RNF224: variants seen among roughly 807,000 people sequenced by gnomAD.
RNF224 encodes ring finger protein 224.
In RNF224, 1 loss-of-function variant was observed where a neutral mutation model predicts 2.9. That is an observed-to-expected ratio of 0.35 (90% CI 0.12 to 1.66). The LOEUF is 1.66. Among genes scored for constraint, RNF224 ranks in the 40% most tolerant of loss-of-function variants. The pLI is 0.35. For synonymous variants in RNF224, 116 were observed against 97.6 expected (o/e 1.19, Z -1.11); for missense variants, 254 against 221.8 (o/e 1.15, Z -0.92).
chr9:137,228,540 G>C (rs1836035089), intron 2 of RNF224, 82 bp from the exon 3 acceptor site: 6 of 1,226,520 alleles, frequency 4.9e-6, no homozygotes, highest in Middle Eastern at 5.6e-4. Flanking sequence ...CCTGACCTCT[G>C]GGGTGGGCTC....
At position 137,228,319 on chromosome 9, in the gene RNF224, G is replaced by A. The variant is rs1406194951; in HGVS notation, c.-17G>A. The A allele has an allele frequency of 2.6e-6, 4 of 1,525,328 alleles. No individual in the cohort carries two copies. The highest frequency in any genetic ancestry group is 2.6e-6 in the Non-Finnish European group (3 of 1,142,170). 94.5% of individuals were successfully genotyped at this position (1,525,328 alleles called of 1,614,324 possible). A position where few individuals can be genotyped will look rare whatever the true frequency, so the allele number is the denominator to read the frequency against. On this transcript the variant is annotated 5_prime_UTR_variant, in exon 2 of 3. Coordinates refer to ENST00000445101, the MANE Select transcript of RNF224 (RefSeq NM_001190228.2). Reference sequence around the variant, plus strand: ...TCCGGCCACCCCGTGGCTGTGCATAGCTGCCCAGCAGAGCCCATGCAGGTA... The same window carrying A: ...TCCGGCCACCCCGTGGCTGTGCATAACTGCCCAGCAGAGCCCATGCAGGTA...
rs1836005013 is a variant in RNF224 at position 137,227,512 on chromosome 9, T to G, written c.-534T>G. ...CCTTCTTGGTCCCTCAACTCTGCTC[T>G]GCCTGCAGTCTGGTGTGGACACACT... On this transcript the variant is annotated 5_prime_UTR_variant, in exon 1 of 3. Transcript: ENST00000445101. 6.5e-6 allele frequency: 1 copy of G among 152,678 alleles called. No homozygotes were observed. The highest frequency in any genetic ancestry group is 1.5e-5 in the Non-Finnish European group (1 of 68,184). The allele number at this position is 152,678 out of a possible 1,614,324, so 9.5% of individuals were successfully genotyped here. A position where few individuals can be genotyped will look rare whatever the true frequency, so the allele number is the denominator to read the frequency against.
Position 137,228,173 on chromosome 9 carries a change from G to A in RNF224, c.-163G>A. ...TTAGATCTAGTTTCAAGGCTTTGTGGCTGAAACGGGAGCCCACGCCCGCCA... is the reference window on the plus strand; with the variant it reads ...TTAGATCTAGTTTCAAGGCTTTGTGACTGAAACGGGAGCCCACGCCCGCCA... On this transcript the variant is annotated 5_prime_UTR_variant, in exon 2 of 3. Transcript: ENST00000445101. 1 of 631,442 alleles carries A rather than the reference G, an allele frequency of 1.6e-6. No individual in the cohort carries two copies. The highest frequency in any genetic ancestry group is 1.9e-5 in the South Asian group (1 of 53,338). 39.1% of individuals were successfully genotyped at this position (631,442 alleles called of 1,614,324 possible). A position where few individuals can be genotyped will look rare whatever the true frequency, so the allele number is the denominator to read the frequency against.
At position 137,229,152 on chromosome 9, in the gene RNF224, T is replaced by C. The variant is rs1279625125; in HGVS notation, c.*66T>C. ...TGGAACCCCTGACCACACACCATCATGGGTTCAGCCCACTCAGAACAACCT... is the reference window on the plus strand; with the variant it reads ...TGGAACCCCTGACCACACACCATCACGGGTTCAGCCCACTCAGAACAACCT... On this transcript the variant is annotated 3_prime_UTR_variant, in exon 3 of 3. Coordinates refer to ENST00000445101, the MANE Select transcript of RNF224 (RefSeq NM_001190228.2). 3.1e-6 allele frequency: 3 copies of C among 954,374 alleles called. No homozygotes were observed. Among genetic ancestry groups the C allele is most frequent in the East Asian group, 2.6e-5 (1 of 37,922 alleles). The allele number at this position is 954,374 out of a possible 1,614,324, so 59.1% of individuals were successfully genotyped here. A position where few individuals can be genotyped will look rare whatever the true frequency, so the allele number is the denominator to read the frequency against.
In RNF224 at chr9:137,228,228, C is replaced by A. The variant is rs114070088; in HGVS notation, c.-108C>A. 6.6e-4 allele frequency: 748 copies of A among 1,132,608 alleles called. 2 individuals carry two copies. The African/African-American group carries it at 0.011, about 16-fold the overall frequency. The allele number at this position is 1,132,608 out of a possible 1,614,324, so 70.2% of individuals were successfully genotyped here. ...TGGCCACCTGCCTCTCTCCTGACTC[C>A]CGTGCAAGGCCAGTAATGCAACCCA... On this transcript the variant is annotated 5_prime_UTR_variant, in exon 2 of 3. Coordinates refer to ENST00000445101, the MANE Select transcript of RNF224 (RefSeq NM_001190228.2).
At position 137,229,083 on chromosome 9, in the gene RNF224, C is replaced by G. The variant is rs80009402; in HGVS notation, c.468C>G (p.Val156=). 3.6e-3 allele frequency: 5,494 copies of G among 1,512,008 alleles called. 128 individuals carry two copies. In the East Asian group the frequency reaches 0.069, roughly 19 times the overall value. 93.7% of individuals were successfully genotyped at this position (1,512,008 alleles called of 1,614,324 possible). The change falls in exon 3 of 3, where the codon GTC becomes GTG. Residue 156 remains valine, a synonymous_variant. Transcript: ENST00000445101. ...GCCCACCCCTAGGCAGCCCCGAGGT[C>G]TGAACTCTGGCCATTCCCACCCCTG... ...LCCPPLGSPE[V] is the part of the protein sequence containing the mutation.
intron 2 of RNF224, 65 bp from the exon 3 acceptor site, chr9:137,228,557 C>A (rs1486179192): frequency 2.5e-5 from 33 of 1,308,638 alleles, no homozygotes; most frequent in Non-Finnish European, 3.1e-5. Context: ...GCTCCTGGGG[C>A]CAGCACCCCA....
chr9:137,228,206 C>T lies in RNF224; in HGVS notation c.-130C>T, dbSNP rs562105966. ...GGGAGCCCACGCCCGCCACAGCTGG[C>T]CACCTGCCTCTCTCCTGACTCCCGT... On this transcript the variant is annotated 5_prime_UTR_variant, in exon 2 of 3. Coordinates refer to ENST00000445101, the MANE Select transcript of RNF224 (RefSeq NM_001190228.2). The T allele has an allele frequency of 1.1e-5, 9 of 854,158 alleles. No homozygotes were observed. Among genetic ancestry groups the T allele is most frequent in the Non-Finnish European group, 1.4e-5 (8 of 557,876 alleles). The allele number at this position is 854,158 out of a possible 1,614,324, so 52.9% of individuals were successfully genotyped here.
chr9:137,228,752 C>T lies in RNF224; in HGVS notation c.137C>T (p.Thr46Ile). Reference sequence around the variant, plus strand: ...CCCCGCCGCCTCTACTGTGGACACACCTTCTGCCAGGCGTGTGTGCGGCGG... The same window carrying T: ...CCCCGCCGCCTCTACTGTGGACACATCTTCTGCCAGGCGTGTGTGCGGCGG... ...HLPRRLYCGH[T>I]FCQACVRRLD... is the part of the protein sequence containing the mutation. Residue 46 changes from threonine (T) to isoleucine (I), a missense_variant, in exon 3 of 3, where the codon ACC becomes ATC. Coordinates refer to ENST00000445101, the MANE Select transcript of RNF224 (RefSeq NM_001190228.2). 1.3e-6 allele frequency: 2 copies of T among 1,532,994 alleles called. No individual in the cohort carries two copies. Among genetic ancestry groups the T allele is most frequent in the Non-Finnish European group, 1.7e-6 (2 of 1,145,120 alleles). 95.0% of individuals were successfully genotyped at this position (1,532,994 alleles called of 1,614,324 possible). A position where few individuals can be genotyped will look rare whatever the true frequency, so the allele number is the denominator to read the frequency against.
chr9:137,228,868 G>C lies in RNF224; in HGVS notation c.253G>C (p.Asp85His), dbSNP rs1431995401. 17 of 1,535,632 alleles carry C rather than the reference G, an allele frequency of 1.1e-5. No homozygotes were observed. The East Asian group carries it at 3.7e-4, about 33-fold the overall frequency. The change falls in exon 3 of 3, where the codon GAC becomes CAC. Residue 85 changes from aspartate to histidine, a missense_variant. Coordinates refer to ENST00000445101, the MANE Select transcript of RNF224 (RefSeq NM_001190228.2). ...GCCTCGCGGAGGGGTGGCCATGCTA[G>C]ACCTGGACCTGGCTGCTTTCCTGGC... Reference protein sequence around the residue: ...PTPRGGVAMLDLDLAAFLAVK... With the variant: ...PTPRGGVAMLHLDLAAFLAVK...
rs1325942690 is a variant in RNF224 at position 137,228,663 on chromosome 9, G to A, written c.48G>A (p.Gly16=). The change falls in exon 3 of 3, where the codon GGG becomes GGA. Residue 16 remains glycine (G), a synonymous_variant. Transcript: ENST00000445101. ...GGCCCCCAGGCCTCGGAGGAGGGGG[G>A]CCCCCGGAGGAGAGGACAGACTGCA... The part of the protein sequence containing the change: ...AGGPPGLGGG[G]PPEERTDCII... 2.0e-5 allele frequency: 29 copies of A among 1,461,068 alleles called. No homozygotes were observed. The highest frequency in any genetic ancestry group is 6.8e-5 in the South Asian group (5 of 74,064). The allele number at this position is 1,461,068 out of a possible 1,614,324, so 90.5% of individuals were successfully genotyped here. A position where few individuals can be genotyped will look rare whatever the true frequency, so the allele number is the denominator to read the frequency against.
At position 137,228,718 on chromosome 9, in the gene RNF224, G is replaced by A. The variant is rs755077146; in HGVS notation, c.103G>A (p.Gly35Arg). Residue 35 changes from glycine (G) to arginine (R), a missense_variant, in exon 3 of 3, where the codon GGG (glycine) becomes AGG (arginine). By Grantham distance (125) the Gly-to-Arg change is moderately radical (BLOSUM62 -2). Transcript: ENST00000445101. The stretch of plus-strand genomic sequence containing the variant: ...CTGCTGCTCGGCCTATGACCTCTCC[G>A]GGCACCTGCCCCGCCGCCTCTACTG... ...IICCSAYDLS[G>R]HLPRRLYCGH... 1.1e-4 allele frequency: 169 copies of A among 1,528,416 alleles called. No individual in the cohort carries two copies. The highest frequency in any genetic ancestry group is 1.8e-4 in the Middle Eastern group (1 of 5,516). 94.7% of individuals were successfully genotyped at this position (1,528,416 alleles called of 1,614,324 possible). A position where few individuals can be genotyped will look rare whatever the true frequency, so the allele number is the denominator to read the frequency against.
rs1836060141 is a variant in RNF224 at position 137,229,069 on chromosome 9, G to T, written c.454G>T (p.Gly152Cys). 6.5e-7 allele frequency: 1 copy of T among 1,529,354 alleles called. No homozygotes were observed. The highest frequency in any genetic ancestry group is 1.4e-5 in the African/African-American group (1 of 73,026). The allele number at this position is 1,529,354 out of a possible 1,614,324, so 94.7% of individuals were successfully genotyped here. A position where few individuals can be genotyped will look rare whatever the true frequency, so the allele number is the denominator to read the frequency against. Residue 152 changes from glycine to cysteine, a missense_variant, in exon 3 of 3, where the codon GGC becomes TGC. By Grantham distance (159) the Gly-to-Cys change is radical (BLOSUM62 -3). Coordinates refer to ENST00000445101, the MANE Select transcript of RNF224 (RefSeq NM_001190228.2). ...TGGCAGCCTCTGCTGCCCACCCCTA[G>T]GCAGCCCCGAGGTCTGAACTCTGGC... ...GCGSLCCPPL[G>C]SPEV
Position 137,228,750 on chromosome 9 carries a change from C to A in RNF224, c.135C>A (p.His45Gln), listed in dbSNP as rs758020001. 105 of 1,532,774 alleles carry A rather than the reference C, an allele frequency of 6.9e-5. No homozygotes were observed. Among genetic ancestry groups the A allele is most frequent in the Non-Finnish European group, 9.2e-5 (105 of 1,145,044 alleles). The allele number at this position is 1,532,774 out of a possible 1,614,324, so 94.9% of individuals were successfully genotyped here. ...GHLPRRLYCG[H>Q]TFCQACVRRL... ...TGCCCCGCCGCCTCTACTGTGGACA[C>A]ACCTTCTGCCAGGCGTGTGTGCGGC... Residue 45 changes from histidine to glutamine, a missense_variant, in exon 3 of 3, where the codon CAC (histidine) becomes CAA (glutamine). Coordinates refer to ENST00000445101, the MANE Select transcript of RNF224 (RefSeq NM_001190228.2).
At position 137,229,016 on chromosome 9, in the gene RNF224, C is replaced by G; in HGVS notation, c.401C>G (p.Pro134Arg). The change falls in exon 3 of 3, where the codon CCC becomes CGC. Residue 134 changes from proline (P) to arginine (R), a missense_variant. By Grantham distance (103) the Pro-to-Arg change is moderately radical. Transcript: ENST00000445101. Reference sequence around the variant, plus strand: ...GCCCTGGGACCCCAGCCCCACTTCCCCCAGCCCAGATACTGCTGCTGGGGC... The same window carrying G: ...GCCCTGGGACCCCAGCCCCACTTCCGCCAGCCCAGATACTGCTGCTGGGGC... ...CPALGPQPHF[P>R]QPRYCCWGCG... 6.5e-7 allele frequency: 1 copy of G among 1,535,516 alleles called. No individual in the cohort carries two copies. The highest frequency in any genetic ancestry group is 8.7e-7 in the Non-Finnish European group (1 of 1,146,690).
In RNF224 at chr9:137,228,330, G is replaced by A; in HGVS notation, c.-6G>A. 1.3e-6 allele frequency: 2 copies of A among 1,517,680 alleles called. No individual in the cohort carries two copies. The highest frequency in any genetic ancestry group is 1.8e-6 in the Non-Finnish European group (2 of 1,137,894). The allele number at this position is 1,517,680 out of a possible 1,614,324, so 94.0% of individuals were successfully genotyped here. A position where few individuals can be genotyped will look rare whatever the true frequency, so the allele number is the denominator to read the frequency against. ...CGTGGCTGTGCATAGCTGCCCAGCA[G>A]AGCCCATGCAGGTAAGAGGCCTGGG... On this transcript the variant is annotated 5_prime_UTR_variant, in exon 2 of 3. Coordinates refer to ENST00000445101, the MANE Select transcript of RNF224 (RefSeq NM_001190228.2).
chr9:137,228,268 G>A lies in RNF224; in HGVS notation c.-68G>A. 4 of 1,504,850 alleles carry A rather than the reference G, an allele frequency of 2.7e-6. No homozygotes were observed. The highest frequency in any genetic ancestry group is 3.6e-6 in the Non-Finnish European group (4 of 1,121,736). The allele number at this position is 1,504,850 out of a possible 1,614,324, so 93.2% of individuals were successfully genotyped here. On this transcript the variant is annotated 5_prime_UTR_variant, in exon 2 of 3. Transcript: ENST00000445101. ...AATGCAACCCAGGAGGGAGCCGCAG[G>A]GCGCCCTGGGTCCCCCACTCCCTTC...
chr9:137,229,356 G>A lies in RNF224; in HGVS notation c.*270G>A, dbSNP rs1440725512. 1.9e-6 allele frequency: 1 copy of A among 528,082 alleles called. No individual in the cohort carries two copies. The highest frequency in any genetic ancestry group is 3.4e-6 in the Non-Finnish European group (1 of 292,418). The allele number at this position is 528,082 out of a possible 1,614,324, so 32.7% of individuals were successfully genotyped here. On this transcript the variant is annotated 3_prime_UTR_variant, in exon 3 of 3. Transcript: ENST00000445101. ...CAGACTAGCCCGACCGGATGTGCCT[G>A]GTGAGGACACTGCTGTCTGAGTGGG...
chr9:137,228,146 C>T lies in RNF224; in HGVS notation c.-184-6C>T, dbSNP rs1477017645. 3.3e-5 allele frequency: 19 copies of T among 578,714 alleles called. No individual in the cohort carries two copies. Among genetic ancestry groups the T allele is most frequent in the South Asian group, 8.1e-5 (4 of 49,602 alleles). 35.8% of individuals were successfully genotyped at this position (578,714 alleles called of 1,614,324 possible). On this transcript the variant is annotated splice_region_variant and splice_polypyrimidine_tract_variant and intron_variant, in intron 1 of 2. Transcript: ENST00000445101. ...CTTATCTCTTGCAAGTGGGTGGTGC[C>T]GTTAGATCTAGTTTCAAGGCTTTGT...
Sources: gnomAD v4.1 joint callset for allele counts on GRCh38, gnomAD v4.1.1 for gene constraint, MANE v1.5 for transcripts, NCBI Gene and HGNC (gene_info 2026-07-23, HGNC 2026-07-21) for gene names.